Variants in DPP10 observed in about 807,000 individuals in gnomAD.
DPP10 encodes dipeptidyl peptidase like 10.
In DPP10, 33 loss-of-function variants were observed where a neutral mutation model predicts 120.9. That is an observed-to-expected ratio of 0.27 (90% CI 0.21 to 0.37). DPP10 has a LOEUF of 0.37. Among genes scored for constraint, DPP10 ranks in the 10% least tolerant of loss-of-function variants. The pLI is 1.00. For synonymous variants in DPP10, 337 were observed against 326.1 expected (o/e 1.03, Z -0.36); for missense variants, 816 against 942.8 (o/e 0.87, Z 1.76).
chr2:115,271,507 C>G (rs1384952238), intron 1 of DPP10, among the ~76,000 whole-genome samples: 1 of 151,766 alleles, frequency 6.6e-6, no homozygotes, highest in East Asian at 1.9e-4. Flanking sequence ...TGCCTTTTTT[C>G]TTATTGCTTG....
At chr2:114,661,094 A>C (rs1697365773) in intron 1 of DPP10, among the ~76,000 whole-genome samples, 1 of 152,200 alleles carries the variant, frequency 6.6e-6, no homozygotes, top group African/African-American at 2.4e-5. Flanking sequence ...TAGTTTCTGG[A>C]GAATTCTGCC....
intron 1 of DPP10, among the ~76,000 whole-genome samples, chr2:114,886,683 G>A (rs182719714): frequency 1.3e-5 from 2 of 152,220 alleles, no homozygotes; most frequent in East Asian, 3.9e-4. Context: ...ATTATCAAAA[G>A]TCTGTTATGG....
chr2:114,735,319 C>T (rs139107102), intron 1 of DPP10, among the ~76,000 whole-genome samples: 2 of 152,220 alleles, frequency 1.3e-5, no homozygotes, highest in East Asian at 3.9e-4. Context: ...CATTTCCAAG[C>T]TTTGGCACCA....
intron 5 of DPP10, among the ~76,000 whole-genome samples, chr2:115,661,913 T>C (rs985490035): frequency 6.6e-6 from 1 of 152,196 alleles, no homozygotes; most frequent in Admixed American, 6.5e-5. Context: ...ACATTTCAAG[T>C]ATATAAAACA....
At chr2:115,633,531 G>T (rs947446909) in intron 5 of DPP10, among the ~76,000 whole-genome samples, 2 of 152,008 alleles carry the variant, frequency 1.3e-5, no homozygotes, top group African/African-American at 4.8e-5. Context: ...GTATACATAT[G>T]TAACAAACCT....
chr2:115,522,714 T>A (rs2077889708), intron 4 of DPP10, among the ~76,000 whole-genome samples: 1 of 152,176 alleles, frequency 6.6e-6, no homozygotes, highest in African/African-American at 2.4e-5. Context: ...CAGGCAGGCA[T>A]CATTGCTGAG....
chr2:115,094,777 T>C (rs1709574389), intron 1 of DPP10, among the ~76,000 whole-genome samples: 1 of 152,192 alleles, frequency 6.6e-6, no homozygotes, highest in African/African-American at 2.4e-5. Flanking sequence ...GAAATAAGCA[T>C]ACCAGAGTTC....
chr2:115,100,269 G>T (rs564997529), intron 1 of DPP10, among the ~76,000 whole-genome samples: 5 of 152,218 alleles, frequency 3.3e-5, no homozygotes, highest in Admixed American at 6.5e-5. Flanking sequence ...GGGCAACAAA[G>T]ATCCTGTCTC....
chr2:115,531,393 A>T (rs1227769937), intron 5 of DPP10, among the ~76,000 whole-genome samples: 1 of 152,106 alleles, frequency 6.6e-6, no homozygotes, highest in African/African-American at 2.4e-5. Context: ...GAAGAGAGCT[A>T]CGCAGCCAGA....
In DPP10 at chr2:114,849,349, A is replaced by T. The variant is rs540103638; in HGVS notation, c.60+406511A>T. ...TAGGAGGCTATATATATATTTTTTTAAATTTAATTTTATGTTTTGAAACAA... is the reference window on the plus strand; with the variant it reads ...TAGGAGGCTATATATATATTTTTTTTAATTTAATTTTATGTTTTGAAACAA... On this transcript the variant is annotated intron_variant, in intron 1 of 25. Coordinates refer to ENST00000410059, the MANE Select transcript of DPP10 (RefSeq NM_020868.6). 1.4e-3 allele frequency among the ~76,000 whole-genome samples: 208 copies of T among 152,132 alleles called. 1 individual carries two copies. Among genetic ancestry groups the T allele is most frequent in the Middle Eastern group, 3.4e-3 (1 of 292 alleles).
At chr2:115,122,726 G>C (rs2049886740) in intron 1 of DPP10, among the ~76,000 whole-genome samples, 1 of 152,222 alleles carries the variant, frequency 6.6e-6, no homozygotes, top group Admixed American at 6.5e-5. Flanking sequence ...AGGCAGTGCA[G>C]GTTTTCAGGA....
rs112601348 is a variant in DPP10 at position 115,026,088 on chromosome 2, T to C, written c.61-283151T>C. On this transcript the variant is annotated intron_variant, in intron 1 of 25. Coordinates refer to ENST00000410059, the MANE Select transcript of DPP10 (RefSeq NM_020868.6). ...TGCTTTTGAGATTTTACACAAAATA[T>C]CTTTGTCCAGAAAAATATACTAGAA... Among the ~76,000 whole-genome samples, 161 of 152,296 alleles carry C rather than the reference T, an allele frequency of 1.1e-3. 2 individuals are homozygous for C. The highest frequency in any genetic ancestry group is 3.7e-3 in the African/African-American group (155 of 41,576).
rs181624091 is a variant in DPP10 at position 115,348,549 on chromosome 2, T to A, written c.271+4637T>A. 2.0e-5 allele frequency among the ~76,000 whole-genome samples: 3 copies of A among 152,262 alleles called. No homozygotes were observed. The East Asian group carries it at 5.8e-4, about 29-fold the overall frequency. ...GGAGTGCATGTGCAGGTTTGTTACA[T>A]GGGTATCCTGCAACGTTAGCACTCT... On this transcript the variant is annotated intron_variant, in intron 3 of 25. Coordinates refer to ENST00000410059, the MANE Select transcript of DPP10 (RefSeq NM_020868.6).
intron 3 of DPP10, among the ~76,000 whole-genome samples, chr2:115,435,619 A>C (rs974119591): frequency 6.6e-6 from 1 of 151,672 alleles, no homozygotes; most frequent in African/African-American, 2.4e-5. Flanking sequence ...TGTTTGGATA[A>C]TTTGCAAATA....
intron 5 of DPP10, among the ~76,000 whole-genome samples, chr2:115,533,264 A>G (rs145088038): frequency 4.6e-5 from 7 of 152,244 alleles, no homozygotes; most frequent in African/African-American, 1.4e-4. Context: ...CGAATGCAAG[A>G]GTAACAGTTG....
Position 114,613,049 on chromosome 2 carries a change from A to G in DPP10, c.60+170211A>G, listed in dbSNP as rs1693404528. 3.9e-5 allele frequency among the ~76,000 whole-genome samples: 6 copies of G among 152,298 alleles called. No homozygotes were observed. The South Asian group carries it at 1.2e-3, about 32-fold the overall frequency. On this transcript the variant is annotated intron_variant, in intron 1 of 25. Transcript: ENST00000410059. The stretch of plus-strand genomic sequence containing the variant: ...ATTATTAATAATGAAAATGAGGCAG[A>G]TGATCATGACATTTATCCCCAAATC...
intron 1 of DPP10, chr2:115,162,256 G>A (rs746830959): frequency 1.3e-6 from 2 of 1,560,158 alleles, no homozygotes; most frequent in East Asian, 2.4e-5. Context: ...GAGAGCCGCG[G>A]GGAAGGGGGC....
intron 3 of DPP10, among the ~76,000 whole-genome samples, chr2:115,379,643 T>C (rs901254282): frequency 1.3e-4 from 20 of 152,190 alleles, no homozygotes; most frequent in African/African-American, 3.6e-4. Context: ...AATTGTGATG[T>C]CAGGGTGTCA....
intron 1 of DPP10, among the ~76,000 whole-genome samples, chr2:115,007,510 C>G (rs1054438607): frequency 6.6e-6 from 1 of 150,938 alleles, no homozygotes; most frequent in African/African-American, 2.4e-5. Flanking sequence ...CCTTTGAAAA[C>G]TGGCACAAGA....
Sources: gnomAD v4.1 joint callset for allele counts (sites outside exome capture counted in the v4.1 genomes callset) on GRCh38, gnomAD v4.1.1 for gene constraint, MANE v1.5 for transcripts, NCBI Gene and HGNC (gene_info 2026-07-23, HGNC 2026-07-21) for gene names.